Variants in ELAVL2 observed in about 807,000 individuals in gnomAD.
ELAVL2 encodes the protein ELAV like RNA binding protein 2, also known as ELAV-like protein 2.
ELAVL2 carries 4 observed loss-of-function variants against 34.6 expected under a neutral mutation model. The ratio of observed to expected loss-of-function variants is 0.12; its 90% CI spans 0.06 to 0.26. The LOEUF (loss-of-function observed/expected upper bound fraction) is 0.26. ELAVL2 is among the 10% of genes least tolerant of loss of function. The pLI is 1.00. For synonymous variants in ELAVL2, 193 were observed against 154.8 expected, an observed-to-expected ratio of 1.25 and a Z score of -1.83; for missense variants, 432 against 442.8, an observed-to-expected ratio of 0.98 and a Z score of 0.22.
At chr9:23,759,754 T>TTATTTATATATATATA (rs1554719966) in intron 2 of ELAVL2, among the ~76,000 whole-genome samples, 4 of 81,344 alleles carry the variant, frequency 4.9e-5, no homozygotes, top group Non-Finnish European at 1.0e-4. Context: ...ATATATAGTA[T>TTATTTATATATATATA]TATATATATA....
intron 2 of ELAVL2, among the ~76,000 whole-genome samples, chr9:23,755,323 T>C (rs972736356): frequency 1.3e-5 from 2 of 152,114 alleles, no homozygotes; most frequent in African/African-American, 4.8e-5. Context: ...ACTAAACTAA[T>C]CAAGGCTGAC....
At chr9:23,780,460 A>G (rs1415620859) in intron 1 of ELAVL2, among the ~76,000 whole-genome samples, 1 of 152,224 alleles carries the variant, frequency 6.6e-6, no homozygotes, top group East Asian at 1.9e-4. Flanking sequence ...TTGAAAGTTT[A>G]TAATATTGAA....
chr9:23,695,771 G>GATGACT (rs2034947421), intron 5 of ELAVL2, among the ~76,000 whole-genome samples: 1 of 152,114 alleles, frequency 6.6e-6, no homozygotes, highest in Non-Finnish European at 1.5e-5. Context: ...ACAATATTAG[G>GATGACT]ATGACTATGA....
chr9:23,752,277 T>C (rs1038122325), intron 2 of ELAVL2, among the ~76,000 whole-genome samples: 1 of 152,046 alleles, frequency 6.6e-6, no homozygotes, highest in African/African-American at 2.4e-5. Flanking sequence ...TAGGCTGGAA[T>C]TGGAACCCAA....
the ELAVL2 span, among the ~76,000 whole-genome samples, chr9:23,837,464 T>C: frequency 1.3e-5 from 2 of 152,190 alleles, no homozygotes; most frequent in African/African-American, 4.8e-5. Flanking sequence ...TAGTGTATGC[T>C]AGGTGGCATT....
At chr9:23,747,229 G>A (rs2050728687) in intron 2 of ELAVL2, among the ~76,000 whole-genome samples, 1 of 152,036 alleles carries the variant, frequency 6.6e-6, no homozygotes, top group Non-Finnish European at 1.5e-5. Flanking sequence ...TACCAGCCAT[G>A]GATAATGTGG....
At chr9:23,708,734 C>A (rs536642124) in intron 3 of ELAVL2, among the ~76,000 whole-genome samples, 1 of 152,138 alleles carries the variant, frequency 6.6e-6, no homozygotes, top group Non-Finnish European at 1.5e-5. Context: ...CTCTGCCTCC[C>A]GGGTTCAAGC....
At chr9:23,721,699 T>A (rs762203007) in intron 3 of ELAVL2, among the ~76,000 whole-genome samples, 2 of 152,212 alleles carry the variant, frequency 1.3e-5, no homozygotes, top group African/African-American at 2.4e-5. Context: ...TCCCTCTTCC[T>A]CTGCCTACTC....
chr9:23,818,685 A>G lies in ELAVL2; in HGVS notation c.-16+7121T>C, dbSNP rs1480598847. On this transcript the variant is annotated intron_variant, in intron 1 of 6. Transcript: ENST00000397312. ...CAGATTCTAGCCTCTCTCAATTCCA[A>G]ATAAACATTATGAGTGATAAAAGTG... is the stretch of plus-strand genomic sequence containing the variant. 7.9e-5 allele frequency among the ~76,000 whole-genome samples: 12 copies of G among 152,206 alleles called. No individual in the cohort carries two copies. In the South Asian group the frequency reaches 2.3e-3, roughly 29 times the overall value.
chr9:23,734,392 A>G (rs186927146), intron 2 of ELAVL2, among the ~76,000 whole-genome samples: 132 of 152,334 alleles, frequency 8.7e-4, no homozygotes, highest in African/African-American at 3.1e-3. Flanking sequence ...GGTAGAAATG[A>G]TATCTGAAGC....
At chr9:23,789,822 T>C (rs2060125139) in intron 1 of ELAVL2, among the ~76,000 whole-genome samples, 1 of 152,228 alleles carries the variant, frequency 6.6e-6, no homozygotes, top group African/African-American at 2.4e-5. Context: ...GCTTCTTATA[T>C]CTTTCAAGAC....
chr9:23,765,540 C>A lies in ELAVL2; in HGVS notation c.-15-3291G>T, dbSNP rs541891958. ...GGTTTGCATAAAAGCACTCTTTCCC[C>A]AAAATATCAGAAAGACATTAAGAGA... On this transcript the variant is annotated intron_variant, in intron 1 of 6. Coordinates refer to ENST00000397312, the MANE Select transcript of ELAVL2 (RefSeq NM_004432.5). Among the ~76,000 whole-genome samples the A allele has an allele frequency of 4.6e-5, 7 of 152,080 alleles. No individual in the cohort carries two copies. In the South Asian group the frequency reaches 1.2e-3, roughly 27 times the overall value.
At chr9:23,833,425 A>C in the ELAVL2 span, among the ~76,000 whole-genome samples, 1 of 151,886 alleles carries the variant, frequency 6.6e-6, no homozygotes. Flanking sequence ...CTGTTCTTTA[A>C]TACAGATAAG....
At chr9:23,790,366 C>CT (rs2060191638) in intron 1 of ELAVL2, among the ~76,000 whole-genome samples, 1 of 152,174 alleles carries the variant, frequency 6.6e-6, no homozygotes. Flanking sequence ...CCAATACCCG[C>CT]TTTCCCAGTC....
intron 1 of ELAVL2, among the ~76,000 whole-genome samples, chr9:23,822,428 G>C (rs1349755934): frequency 6.6e-6 from 1 of 152,076 alleles, no homozygotes; most frequent in Non-Finnish European, 1.5e-5. Flanking sequence ...CTATGCAAAC[G>C]CTTGCCGCTA....
At chr9:23,842,680 AAG>A in the ELAVL2 span, among the ~76,000 whole-genome samples, 6 of 152,230 alleles carry the variant, frequency 3.9e-5, no homozygotes, top group Middle Eastern at 3.4e-3. Context: ...AACAAACAAA[AAG>A]AATATTTCAG....
intron 3 of ELAVL2, among the ~76,000 whole-genome samples, chr9:23,721,214 A>G (rs1013915178): frequency 1.3e-5 from 2 of 152,224 alleles, no homozygotes; most frequent in South Asian, 4.1e-4. Flanking sequence ...AACTCATCCA[A>G]AGATATTTCC....
intron 2 of ELAVL2, among the ~76,000 whole-genome samples, chr9:23,758,703 C>G (rs1225516955): frequency 6.6e-6 from 1 of 152,088 alleles, no homozygotes; most frequent in Non-Finnish European, 1.5e-5. Context: ...GAGAGATACT[C>G]ACTCTTCCCA....
intron 2 of ELAVL2, among the ~76,000 whole-genome samples, chr9:23,761,439 C>A (rs548456551): frequency 2.2e-4 from 33 of 152,064 alleles, no homozygotes; most frequent in African/African-American, 7.7e-4. Flanking sequence ...ATAATTAAGG[C>A]TTTATCTTTA....
Sources: allele counts gnomAD v4.1 joint callset (sites outside exome capture counted in the v4.1 genomes callset), GRCh38; gene constraint gnomAD v4.1.1; transcripts MANE v1.5; gene names NCBI Gene and HGNC (gene_info 2026-07-23, HGNC 2026-07-21).